The following LRRC49 variants were observed in gnomAD, a reference collection of about 807,000 sequenced individuals.
The protein encoded by LRRC49 is leucine-rich repeat-containing protein 49.
In LRRC49, 50 loss-of-function variants were observed where a neutral mutation model predicts 83.3. The ratio of observed to expected loss-of-function variants is 0.60; its 90% CI spans 0.48 to 0.76. The LOEUF (loss-of-function observed/expected upper bound fraction) is 0.76. Among genes scored for constraint, LRRC49 ranks in the 30% least tolerant of loss-of-function variants. LRRC49 has a pLI of 0.00. For synonymous variants in LRRC49, 286 were observed against 283.3 expected, an observed-to-expected ratio of 1.01 and a Z score of -0.10; for missense variants, 704 against 809.1, an observed-to-expected ratio of 0.87 and a Z score of 1.58.
chr15:70,904,732 T>C lies in LRRC49; in HGVS notation c.477T>C (p.Arg159=). Residue 159 remains arginine (R), a synonymous_variant, in exon 5 of 16, where the codon CGT becomes CGC. Coordinates refer to ENST00000260382, the MANE Select transcript of LRRC49 (RefSeq NM_017691.5). ...ISGLSTLRCL[R]VLLLGKNRIK... ...GGCTTTCGACTCTGAGATGTCTTCGTGTCCTTCTGTTGGGGAAAAACAGGT... is the reference window on the plus strand; with the variant it reads ...GGCTTTCGACTCTGAGATGTCTTCGCGTCCTTCTGTTGGGGAAAAACAGGT... The C allele has an allele frequency of 6.2e-7, 1 of 1,613,086 alleles. No homozygotes were observed. The highest frequency in any genetic ancestry group is 1.1e-5 in the South Asian group (1 of 90,908).
chr15:70,968,978 T>G (rs1019799988), intron 9 of LRRC49, among the ~76,000 whole-genome samples: 6 of 152,310 alleles, frequency 3.9e-5, no homozygotes, highest in Admixed American at 6.5e-5. Flanking sequence ...CAGAAGCTCT[T>G]TTGTTTGATT....
chr15:71,030,930 A>G (rs1033224307), intron 14 of LRRC49, among the ~76,000 whole-genome samples: 19 of 151,948 alleles, frequency 1.3e-4, no homozygotes, highest in African/African-American at 4.6e-4. Context: ...ACCTTTTATC[A>G]AGAACATTGG....
chr15:70,884,422 A>T (rs1471880176), intron 2 of LRRC49, among the ~76,000 whole-genome samples: 3 of 152,096 alleles, frequency 2.0e-5, no homozygotes, highest in Non-Finnish European at 4.4e-5. Context: ...CGGGAGGCTG[A>T]GGCACAATAA....
At chr15:70,977,567 C>T (rs1370044882) in intron 9 of LRRC49, among the ~76,000 whole-genome samples, 2 of 152,118 alleles carry the variant, frequency 1.3e-5, no homozygotes, top group Non-Finnish European at 2.9e-5. Context: ...ATTGCTTGAA[C>T]CCAGGAGGCG....
chr15:70,946,514 C>G (rs1596052669), intron 8 of LRRC49, among the ~76,000 whole-genome samples: 2 of 152,048 alleles, frequency 1.3e-5, no homozygotes, highest in African/African-American at 4.8e-5. Flanking sequence ...TAGGTTGATT[C>G]CATATCTTGG....
intron 15 of LRRC49, among the ~76,000 whole-genome samples, chr15:71,042,189 A>G (rs1435094520): frequency 1.3e-5 from 2 of 152,076 alleles, no homozygotes; most frequent in Admixed American, 6.6e-5. Context: ...GTTTTTTTCT[A>G]TGTTGCCCAG....
intron 14 of LRRC49, among the ~76,000 whole-genome samples, chr15:71,030,175 A>G (rs988139981): frequency 6.6e-6 from 1 of 151,876 alleles, no homozygotes; most frequent in African/African-American, 2.4e-5. Context: ...TCCTTTCCAT[A>G]TTTAGTGCTT....
chr15:70,987,104 G>A (rs1360990878), intron 11 of LRRC49, among the ~76,000 whole-genome samples: 1 of 152,024 alleles, frequency 6.6e-6, no homozygotes, highest in Admixed American at 6.6e-5. Context: ...CTCTTTTTTG[G>A]TTGTGTCTCT....
chr15:70,922,162 A>C (rs185369406), intron 7 of LRRC49, among the ~76,000 whole-genome samples: 168 of 152,318 alleles, frequency 1.1e-3, no homozygotes, highest in African/African-American at 3.8e-3. Flanking sequence ...ATGATCCAGC[A>C]GTCCTACTGT....
intron 15 of LRRC49, among the ~76,000 whole-genome samples, chr15:71,038,772 A>C (rs1243250981): frequency 2.0e-5 from 3 of 152,184 alleles, no homozygotes; most frequent in Non-Finnish European, 4.4e-5. Context: ...AGTAAAAAGA[A>C]CAAGTCTGTT....
At position 70,894,055 on chromosome 15, in the gene LRRC49, C is replaced by T. The variant is rs963690197; in HGVS notation, c.105+415C>T. 4.4e-4 allele frequency among the ~76,000 whole-genome samples: 67 copies of T among 151,930 alleles called. 2 individuals are homozygous for T. Among genetic ancestry groups the T allele is most frequent in the Admixed American group, 3.5e-3 (54 of 15,250 alleles). Reference sequence around the variant, plus strand: ...GACCACAGGTGCATGCCACCACGCCCGGCTAATATTTTTGTATTTTTTGTA... The same window carrying T: ...GACCACAGGTGCATGCCACCACGCCTGGCTAATATTTTTGTATTTTTTGTA... On this transcript the variant is annotated intron_variant, in intron 2 of 15. Coordinates refer to ENST00000260382, the MANE Select transcript of LRRC49 (RefSeq NM_017691.5).
intron 8 of LRRC49, among the ~76,000 whole-genome samples, chr15:70,958,619 G>A (rs1011789871): frequency 6.6e-6 from 1 of 152,110 alleles, no homozygotes; most frequent in African/African-American, 2.4e-5. Flanking sequence ...GGCAATGCTG[G>A]GTAGGAAAAA....
chr15:70,929,761 C>T (rs2035338960), intron 7 of LRRC49, among the ~76,000 whole-genome samples: 1 of 152,206 alleles, frequency 6.6e-6, no homozygotes, highest in Admixed American at 6.5e-5. Flanking sequence ...CAGCAATGTT[C>T]ATAGCATCTT....
chr15:70,901,569 G>T (rs576175927), intron 4 of LRRC49, among the ~76,000 whole-genome samples: 9 of 152,210 alleles, frequency 5.9e-5, no homozygotes, highest in African/African-American at 2.2e-4. Flanking sequence ...TCATTTCAGG[G>T]ATGATTTTTC....
At chr15:70,898,442 G>A (rs1256441214) in intron 3 of LRRC49, 1 of 701,852 alleles carries the variant, frequency 1.4e-6, no homozygotes, top group Non-Finnish European at 2.6e-6. Flanking sequence ...GGGAAGACAA[G>A]GGCTACATAT....
intron 14 of LRRC49, among the ~76,000 whole-genome samples, chr15:71,014,893 C>A (rs1031066993): frequency 6.6e-6 from 1 of 152,084 alleles, no homozygotes; most frequent in African/African-American, 2.4e-5. Context: ...AATAAATATA[C>A]TTAAAATCTT....
intron 7 of LRRC49, among the ~76,000 whole-genome samples, chr15:70,927,958 T>C (rs1029527298): frequency 6.6e-6 from 1 of 152,174 alleles, no homozygotes; most frequent in Non-Finnish European, 1.5e-5. Flanking sequence ...CAGTCATCCA[T>C]TTTTAATTAA....
At chr15:70,948,186 T>C (rs2036078484) in intron 8 of LRRC49, among the ~76,000 whole-genome samples, 1 of 152,052 alleles carries the variant, frequency 6.6e-6, no homozygotes, top group Non-Finnish European at 1.5e-5. Flanking sequence ...CTGCCTGACC[T>C]AGATATCAGA....
intron 5 of LRRC49, among the ~76,000 whole-genome samples, chr15:70,910,826 T>C (rs189424336): frequency 1.0e-3 from 159 of 152,306 alleles, no homozygotes; most frequent in African/African-American, 3.7e-3. Flanking sequence ...TGTCAGAATG[T>C]CCTTTTAAAG....
Sources: gnomAD v4.1 joint callset for allele counts (sites outside exome capture counted in the v4.1 genomes callset) on GRCh38, gnomAD v4.1.1 for gene constraint, MANE v1.5 for transcripts, NCBI Gene and HGNC (gene_info 2026-07-23, HGNC 2026-07-21) for gene names.